USP34: variants seen among roughly 807,000 people sequenced by gnomAD.
USP34 encodes ubiquitin specific peptidase 34.
Under a neutral mutation model 460.3 loss-of-function variants are expected in USP34, and 70 were observed. The ratio of observed to expected loss-of-function variants is 0.15; its 90% CI spans 0.13 to 0.19. The LOEUF (loss-of-function observed/expected upper bound fraction) is 0.19, where lower values mean the gene tolerates loss of function less well. USP34 is among the 10% of genes least tolerant of loss of function. The pLI is 1.00. For missense variants in USP34, 3,985 were observed against 4,236.2 expected, an observed-to-expected ratio of 0.94 and a Z score of 1.65; for synonymous variants, 1,647 against 1,405.3, an observed-to-expected ratio of 1.17 and a Z score of -3.85.
chr2:61,235,802 A>T, intron 57 of USP34, 43 bp downstream of exon 57: 1 of 1,585,248 alleles, frequency 6.3e-7, no homozygotes, highest in Non-Finnish European at 8.6e-7. Flanking sequence ...GGAAAAAAAA[A>T]AGAATCTTAA....
At chr2:61,308,478 T>G (rs960902946) in intron 27 of USP34, among the ~76,000 whole-genome samples, 1 of 151,948 alleles carries the variant, frequency 6.6e-6, no homozygotes, top group Non-Finnish European at 1.5e-5. Flanking sequence ...AAAGATAAAT[T>G]AGGAAGAGTC....
chr2:61,247,661 G>A (rs1437951322), intron 49 of USP34, among the ~76,000 whole-genome samples: 1 of 152,096 alleles, frequency 6.6e-6, no homozygotes, highest in Admixed American at 6.5e-5. Context: ...CCTAATAGCT[G>A]TGACCATAGG....
intron 21 of USP34, among the ~76,000 whole-genome samples, chr2:61,321,923 T>C (rs1365510351): frequency 6.6e-6 from 1 of 152,174 alleles, no homozygotes; most frequent in Non-Finnish European, 1.5e-5. Context: ...GTAAGCATTA[T>C]TTTTGTAAAA....
At chr2:61,420,658 C>A in intron 2 of USP34, 88 bp downstream of exon 2, 1 of 869,708 alleles carries the variant, frequency 1.1e-6, no homozygotes. Context: ...TCTAACCCAA[C>A]ACCCTAAAAA....
chr2:61,268,945 AAATGT>A (rs879792380), intron 41 of USP34, among the ~76,000 whole-genome samples: 4 of 152,218 alleles, frequency 2.6e-5, no homozygotes, highest in East Asian at 1.9e-4. Context: ...TCCTAATAAT[AAATGT>A]AATGTAATAA....
At position 61,246,486 on chromosome 2, in the gene USP34, A is replaced by T. The variant is rs766105898; in HGVS notation, c.6395-9T>A. The T allele has an allele frequency of 4.0e-6, 6 of 1,513,760 alleles. No homozygotes were observed. The highest frequency in any genetic ancestry group is 1.8e-4 in the Middle Eastern group (1 of 5,518). 93.8% of individuals were successfully genotyped at this position (1,513,760 alleles called of 1,614,324 possible). A position where few individuals can be genotyped will look rare whatever the true frequency, so the allele number is the denominator to read the frequency against. On this transcript the variant is annotated splice_polypyrimidine_tract_variant and intron_variant, in intron 49 of 79. Transcript: ENST00000398571. The stretch of plus-strand genomic sequence containing the variant: ...ACTGACTTCTTTAAAACCTGAAATG[A>T]TTTACACAGAATGGAAATAATTTTC...
intron 10 of USP34, among the ~76,000 whole-genome samples, chr2:61,356,498 C>T (rs1692111364): frequency 6.8e-6 from 1 of 147,444 alleles, no homozygotes; most frequent in Non-Finnish European, 1.5e-5. Context: ...CACACACACA[C>T]ATACACACAC....
chr2:61,365,256 TACACACACACACACACACACAC>T (rs34689463), intron 10 of USP34, among the ~76,000 whole-genome samples: 2 of 142,346 alleles, frequency 1.4e-5, no homozygotes, highest in African/African-American at 2.6e-5. Context: ...CATTTCAAAA[TACACACACACACACACACACAC>T]ACACACACAC....
chr2:61,308,756 G>C (rs1038004028), intron 27 of USP34, among the ~76,000 whole-genome samples: 1 of 152,106 alleles, frequency 6.6e-6, no homozygotes, highest in Admixed American at 6.6e-5. Flanking sequence ...AATACTACAT[G>C]TTGGCTGGGC....
chr2:61,251,014 T>A (rs966151653), intron 48 of USP34, among the ~76,000 whole-genome samples: 3 of 152,124 alleles, frequency 2.0e-5, no homozygotes, highest in African/African-American at 7.2e-5. Context: ...GGCGGGCGCC[T>A]GTAGTCCCAG....
chr2:61,393,685 T>G (rs1405647121), intron 5 of USP34, among the ~76,000 whole-genome samples: 2 of 152,168 alleles, frequency 1.3e-5, no homozygotes, highest in Non-Finnish European at 2.9e-5. Context: ...TTATAGATAA[T>G]TTAAATATCT....
At chr2:61,303,057 C>T (rs1690277787) in intron 27 of USP34, among the ~76,000 whole-genome samples, 1 of 151,962 alleles carries the variant, frequency 6.6e-6, no homozygotes, top group Admixed American at 6.6e-5. Flanking sequence ...TTTACAAAGA[C>T]CTCATATTAT....
At chr2:61,418,984 T>C (rs925664278) in intron 2 of USP34, among the ~76,000 whole-genome samples, 1 of 152,106 alleles carries the variant, frequency 6.6e-6, no homozygotes, top group African/African-American at 2.4e-5. Flanking sequence ...AATTAAAATA[T>C]GTGTTTATTA....
In USP34 at chr2:61,394,918, C is replaced by G; in HGVS notation, c.688G>C (p.Glu230Gln). 6.2e-7 allele frequency: 1 copy of G among 1,605,882 alleles called. No individual in the cohort carries two copies. Among genetic ancestry groups the G allele is most frequent in the East Asian group, 2.3e-5 (1 of 44,318 alleles). ...GGCAAAGTTTCAGGAGTTCCATATT[C>G]AAAGCAATCCTTCATGAGAGAAAGG... ...NGLSLMKDCF[E>Q]YGTPETLPFL... The change falls in exon 5 of 80, where the codon GAA becomes CAA. Residue 230 changes from glutamate to glutamine, a missense_variant. Coordinates refer to ENST00000398571, the MANE Select transcript of USP34 (RefSeq NM_014709.4).
chr2:61,224,602 G>A (rs1325052565), intron 62 of USP34, among the ~76,000 whole-genome samples: 1 of 152,040 alleles, frequency 6.6e-6, no homozygotes, highest in Non-Finnish European at 1.5e-5. Context: ...TCACCATTTG[G>A]TTGCCACGAA....
intron 1 of USP34, among the ~76,000 whole-genome samples, chr2:61,449,205 AG>A (rs1412143363): frequency 4.6e-5 from 7 of 151,520 alleles, no homozygotes; most frequent in African/African-American, 7.3e-5. Flanking sequence ...CCTGGAAGGC[AG>A]AAGTCATGCC....
At chr2:61,292,331 T>A (rs1689882458) in intron 33 of USP34, among the ~76,000 whole-genome samples, 1 of 152,210 alleles carries the variant, frequency 6.6e-6, no homozygotes, top group Non-Finnish European at 1.5e-5. Flanking sequence ...GAAATACCAG[T>A]TGACCTGAAA....
At position 61,241,622 on chromosome 2, in the gene USP34, T is replaced by A; in HGVS notation, c.6715A>T (p.Met2239Leu). ...CTGCCATTTTCTTCCTCTGGTTCCATGCGTTTGTAAAACAGCATATATGCA... is the reference window on the plus strand; with the variant it reads ...CTGCCATTTTCTTCCTCTGGTTCCAAGCGTTTGTAAAACAGCATATATGCA... The part of the protein sequence containing the change: ...HSAYMLFYKR[M>L]EPEEENGREY... Residue 2239 changes from methionine to leucine, a missense_variant, in exon 53 of 80, where the codon ATG (methionine) becomes TTG (leucine). Transcript: ENST00000398571. The A allele has an allele frequency of 6.2e-7, 1 of 1,609,982 alleles. No homozygotes were observed. The highest frequency in any genetic ancestry group is 2.2e-5 in the East Asian group (1 of 44,694).
chr2:61,245,729 A>G (rs1049296211), intron 50 of USP34, among the ~76,000 whole-genome samples: 1 of 152,044 alleles, frequency 6.6e-6, no homozygotes, highest in Non-Finnish European at 1.5e-5. Context: ...AAATAACTCA[A>G]TGAAATTATT....
Sources: allele counts gnomAD v4.1 joint callset (sites outside exome capture counted in the v4.1 genomes callset), GRCh38; gene constraint gnomAD v4.1.1; transcripts MANE v1.5; gene names NCBI Gene and HGNC (gene_info 2026-07-23, HGNC 2026-07-21).